SGMS1: variants seen among roughly 807,000 people sequenced by gnomAD.
The protein encoded by SGMS1 is sphingomyelin synthase 1.
Under a neutral mutation model 46.2 loss-of-function variants are expected in SGMS1, and 13 were observed. The ratio of observed to expected loss-of-function variants is 0.28; its 90% CI spans 0.18 to 0.45. The LOEUF (loss-of-function observed/expected upper bound fraction) is 0.45, where lower values mean the gene tolerates loss of function less well. Among genes scored for constraint, SGMS1 ranks in the 20% least tolerant of loss-of-function variants. SGMS1 has a pLI of 1.00. For missense variants in SGMS1, 324 were observed against 519.9 expected (o/e 0.62, Z 3.66); for synonymous variants, 203 against 187.8 (o/e 1.08, Z -0.66).
intron 6 of SGMS1, among the ~76,000 whole-genome samples, chr10:50,384,066 G>A (rs781483319): frequency 2.0e-5 from 3 of 152,064 alleles, no homozygotes; most frequent in Non-Finnish European, 4.4e-5. Context: ...GGAGAAGGAG[G>A]GAATCAGCTA....
intron 2 of SGMS1, among the ~76,000 whole-genome samples, chr10:50,574,874 T>C (rs1038858481): frequency 6.6e-6 from 1 of 151,006 alleles, no homozygotes; most frequent in East Asian, 1.9e-4. Context: ...CCACATCATA[T>C]GTATTGAAAT....
At chr10:50,624,967 T>A (rs116350716), upstream of SGMS1, 8,554 of 1,037,112 alleles carry the variant, frequency 8.2e-3, 554 homozygotes, top group African/African-American at 0.14. Context: ...CGCCCGGCCA[T>A]CGGGCCGCGG....
chr10:50,332,139 T>C (rs954923322), intron 7 of SGMS1, among the ~76,000 whole-genome samples: 4 of 152,194 alleles, frequency 2.6e-5, no homozygotes, highest in African/African-American at 9.7e-5. Flanking sequence ...CCTGAGGCCC[T>C]ATATCTGGCT....
chr10:50,612,827 G>A (rs189645240), intron 1 of SGMS1, among the ~76,000 whole-genome samples: 1 of 152,314 alleles, frequency 6.6e-6, no homozygotes, highest in Admixed American at 6.5e-5. Context: ...TCCTGCCTCG[G>A]GCTCCTGAGT....
intron 6 of SGMS1, among the ~76,000 whole-genome samples, chr10:50,391,625 G>A (rs79864239): frequency 0.03 from 4,524 of 152,054 alleles, 229 homozygotes; most frequent in African/African-American, 0.1. Context: ...CTCGAAGAAC[G>A]TAAAACAGAA....
intron 6 of SGMS1, among the ~76,000 whole-genome samples, chr10:50,403,183 G>C (rs918721236): frequency 5.9e-5 from 9 of 152,174 alleles, no homozygotes; most frequent in Admixed American, 5.2e-4. Context: ...ACTCACAAAA[G>C]AACAGACATG....
chr10:50,437,629 A>C (rs1468725961), intron 5 of SGMS1, among the ~76,000 whole-genome samples: 1 of 152,204 alleles, frequency 6.6e-6, no homozygotes, highest in Non-Finnish European at 1.5e-5. Context: ...AGAAAAGAGG[A>C]AGATAACACA....
At chr10:50,541,549 GGCAAAC>G (rs1838052612) in intron 2 of SGMS1, among the ~76,000 whole-genome samples, 1 of 152,148 alleles carries the variant, frequency 6.6e-6, no homozygotes, top group African/African-American at 2.4e-5. Context: ...CTGTGTGAAT[GGCAAAC>G]ACCTAGCTCA....
At chr10:50,612,393 G>T (rs565676583) in intron 1 of SGMS1, among the ~76,000 whole-genome samples, 6 of 152,314 alleles carry the variant, frequency 3.9e-5, no homozygotes, top group African/African-American at 1.4e-4. Flanking sequence ...CTATAAAGTG[G>T]TCTGGACATG....
At chr10:50,555,510 G>A (rs146871918) in intron 2 of SGMS1, among the ~76,000 whole-genome samples, 53 of 152,322 alleles carry the variant, frequency 3.5e-4, no homozygotes, top group African/African-American at 1.2e-3. Context: ...CTGCAGCAGT[G>A]TAATAAGGAA....
chr10:50,351,130 C>T (rs918674939), intron 6 of SGMS1, among the ~76,000 whole-genome samples: 1 of 152,194 alleles, frequency 6.6e-6, no homozygotes, highest in Non-Finnish European at 1.5e-5. Flanking sequence ...GACCTGGAGT[C>T]AAAGGAGATC....
chr10:50,358,526 TAAAAATAC>T (rs1310999918), intron 6 of SGMS1, among the ~76,000 whole-genome samples: 1 of 152,058 alleles, frequency 6.6e-6, no homozygotes, highest in Admixed American at 6.5e-5. Flanking sequence ...CTGTGTCTAC[TAAAAATAC>T]AAAACTTAAC....
chr10:50,587,879 G>A (rs1838502487), intron 2 of SGMS1, among the ~76,000 whole-genome samples: 1 of 152,004 alleles, frequency 6.6e-6, no homozygotes, highest in Non-Finnish European at 1.5e-5. Flanking sequence ...CTGGTTACAT[G>A]GATGTGTTCA....
chr10:50,367,129 A>G (rs1426213659), intron 6 of SGMS1, among the ~76,000 whole-genome samples: 1 of 152,210 alleles, frequency 6.6e-6, no homozygotes, highest in East Asian at 1.9e-4. Context: ...TTTGCAGTCC[A>G]CTGAGGATTA....
At chr10:50,475,695 C>T (rs1291056981) in intron 3 of SGMS1, among the ~76,000 whole-genome samples, 1 of 152,004 alleles carries the variant, frequency 6.6e-6, no homozygotes, top group Non-Finnish European at 1.5e-5. Context: ...AGCAACGTCC[C>T]CCTAGTGCAA....
intron 5 of SGMS1, among the ~76,000 whole-genome samples, chr10:50,460,371 C>A (rs1195965030): frequency 1.3e-5 from 2 of 152,176 alleles, no homozygotes; most frequent in African/African-American, 4.8e-5. Flanking sequence ...GGAAAGAAGG[C>A]AATGAGGTCT....
chr10:50,624,994 T>C (rs1205151777), upstream of SGMS1: 6 of 1,026,516 alleles, frequency 5.8e-6, no homozygotes, highest in South Asian at 1.4e-4. Flanking sequence ...GGAACCGACC[T>C]GGGAGCTGGC....
rs549659808 is a variant in SGMS1, at chr10:50,564,771, TTTTA to T, written c.-589+25378_-589+25381del. Among the ~76,000 whole-genome samples, 213 of 150,800 alleles carry T rather than the reference TTTTA, an allele frequency of 1.4e-3. 1 individual carries two copies. Among genetic ancestry groups the T allele is most frequent in the Non-Finnish European group, 2.4e-3 (166 of 67,986 alleles). On this transcript the variant is annotated intron_variant, in intron 2 of 10. Transcript: ENST00000361781. ...ATCAGATTATTTTTTTTATTTTTAT[TTTTA>T]TTTATTTATTTTTTAAGTTTTTTTT... is the stretch of plus-strand genomic sequence containing the variant.
intron 1 of SGMS1, among the ~76,000 whole-genome samples, chr10:50,593,506 C>CT (rs1838561989): frequency 6.6e-6 from 1 of 150,482 alleles, no homozygotes; most frequent in African/African-American, 2.4e-5. Context: ...ATTTTTTTTT[C>CT]TTTTTTTGGA....
Sources: gnomAD v4.1 joint callset for allele counts (sites outside exome capture counted in the v4.1 genomes callset) on GRCh38, gnomAD v4.1.1 for gene constraint, MANE v1.5 for transcripts, NCBI Gene and HGNC (gene_info 2026-07-23, HGNC 2026-07-21) for gene names.